Variants in ZNF705G observed in about 807,000 individuals in gnomAD.
ZNF705G encodes the protein zinc finger protein 705G.
In ZNF705G, 23 loss-of-function variants were observed where a neutral mutation model predicts 19.6. The observed-to-expected ratio is 1.17, with a 90% confidence interval of 0.84 to 1.66. The LOEUF (loss-of-function observed/expected upper bound fraction) is 1.66. Ranked by LOEUF, ZNF705G falls within the 40% of genes most tolerant of loss-of-function variation. The probability of loss-of-function intolerance (pLI) is 0.00; values close to 1 mark genes in which losing one functional copy is unlikely to be tolerated. For synonymous variants in ZNF705G, 146 were observed against 117.7 expected (o/e 1.24, Z -1.56); for missense variants, 457 against 354.4 (o/e 1.29, Z -2.32).
At chr8:7,365,516 T>G (rs1806816258) in intron 2 of ZNF705G, among the ~76,000 whole-genome samples, 1 of 148,926 alleles carries the variant, frequency 6.7e-6, no homozygotes, top group Admixed American at 6.6e-5. Context: ...GTAGCTGGGA[T>G]GACAGGCTTG....
intron 2 of ZNF705G, among the ~76,000 whole-genome samples, chr8:7,379,541 G>A (rs1807396574): frequency 6.8e-6 from 1 of 147,278 alleles, no homozygotes; most frequent in Non-Finnish European, 1.5e-5. Context: ...GGGCATGAAA[G>A]AGGGCACTAG....
chr8:7,383,558 G>A (rs886654984), intron 1 of ZNF705G, among the ~76,000 whole-genome samples: 3 of 146,602 alleles, frequency 2.0e-5, no homozygotes, highest in African/African-American at 8.3e-5. Flanking sequence ...AAGGAGGTAA[G>A]GAAGTGCTGT....
At position 7,356,394 on chromosome 8, in the gene ZNF705G, C is replaced by G. The variant is rs1344137347; in HGVS notation, c.*1582G>C. On this transcript the variant is annotated 3_prime_UTR_variant, in exon 7 of 7. Coordinates refer to ENST00000400156, the MANE Select transcript of ZNF705G (RefSeq NM_001164457.3). ...TAGAGAGGCTCCAGGGACAAAATTTCAAGAGTCTTCTGAGGGATAGAAGAG... is the reference window on the plus strand; with the variant it reads ...TAGAGAGGCTCCAGGGACAAAATTTGAAGAGTCTTCTGAGGGATAGAAGAG... 6.7e-6 allele frequency: 1 copy of G among 149,904 alleles called. No homozygotes were observed. The highest frequency in any genetic ancestry group is 2.6e-5 in the African/African-American group (1 of 38,982). The allele number at this position is 149,904 out of a possible 1,614,324, so 9.3% of individuals were successfully genotyped here.
chr8:7,359,514 T>A (rs1302333295), intron 6 of ZNF705G, 105 bp downstream of exon 6: 3 of 1,557,380 alleles, frequency 1.9e-6, no homozygotes, highest in Non-Finnish European at 2.6e-6. Flanking sequence ...TAGAAAACAC[T>A]TAATGCCAGC....
In ZNF705G at chr8:7,355,887, C is replaced by G. The variant is rs1364676022; in HGVS notation, c.*2089G>C. The G allele has an allele frequency of 6.7e-6, 1 of 149,660 alleles. No individual in the cohort carries two copies. The highest frequency in any genetic ancestry group is 1.5e-5 in the Non-Finnish European group (1 of 68,032). The allele number at this position is 149,660 out of a possible 1,614,324, so 9.3% of individuals were successfully genotyped here. A position where few individuals can be genotyped will look rare whatever the true frequency, so the allele number is the denominator to read the frequency against. On this transcript the variant is annotated 3_prime_UTR_variant, in exon 7 of 7. Coordinates refer to ENST00000400156, the MANE Select transcript of ZNF705G (RefSeq NM_001164457.3). Reference sequence around the variant, plus strand: ...GCTTGAATTTCTTGCTCATTATCCTCACACTTGACATAAACCCTGGCTGCA... The same window carrying G: ...GCTTGAATTTCTTGCTCATTATCCTGACACTTGACATAAACCCTGGCTGCA...
chr8:7,364,768 G>A (rs1305756101), intron 2 of ZNF705G, among the ~76,000 whole-genome samples: 1 of 149,278 alleles, frequency 6.7e-6, no homozygotes, highest in Non-Finnish European at 1.5e-5. Context: ...TTCTACATCT[G>A]TTCATCAAGA....
rs532808848 is a variant in ZNF705G, at chr8:7,366,019, C to G, written c.-71-3002G>C. Among the ~76,000 whole-genome samples the G allele has an allele frequency of 1.5e-3, 224 of 149,598 alleles. 18 individuals carry two copies. Among genetic ancestry groups the G allele is most frequent in the African/African-American group, 4.8e-3 (189 of 39,038 alleles). On this transcript the variant is annotated intron_variant, in intron 2 of 6. Coordinates refer to ENST00000400156, the MANE Select transcript of ZNF705G (RefSeq NM_001164457.3). ...TGCTATACAATGTTGAATGACATCT[C>G]AGGTGCTAGGGAAACAGCAGCTGAC... is the stretch of plus-strand genomic sequence containing the variant.
chr8:7,382,141 G>C (rs1160359744), intron 1 of ZNF705G, among the ~76,000 whole-genome samples: 3 of 150,852 alleles, frequency 2.0e-5, no homozygotes, highest in Admixed American at 6.6e-5. Flanking sequence ...TTCTTCTCAA[G>C]AGCAAATGAC....
intron 2 of ZNF705G, among the ~76,000 whole-genome samples, 156 bp from the exon 3 acceptor site, chr8:7,363,173 G>A (rs554285776): frequency 3.1e-4 from 46 of 149,436 alleles, no homozygotes; most frequent in South Asian, 1.0e-3. Flanking sequence ...CTCTTTTCCC[G>A]TGGTCAAAAT....
chr8:7,379,297 C>T, intron 2 of ZNF705G, among the ~76,000 whole-genome samples: 1 of 147,416 alleles, frequency 6.8e-6, no homozygotes, highest in East Asian at 1.9e-4. Context: ...CCAAGTTTTC[C>T]TCAGTGCACT....
chr8:7,368,802 G>T (rs1806971879), intron 2 of ZNF705G, among the ~76,000 whole-genome samples: 1 of 149,534 alleles, frequency 6.7e-6, no homozygotes, highest in Non-Finnish European at 1.5e-5. Context: ...AGCCACTCCA[G>T]CTCCAGCCAT....
intron 2 of ZNF705G, among the ~76,000 whole-genome samples, chr8:7,379,839 C>G (rs577151308): frequency 6.8e-6 from 1 of 146,966 alleles, no homozygotes; most frequent in East Asian, 1.9e-4. Flanking sequence ...TGCACCTGCC[C>G]CCAGACACAG....
At chr8:7,368,292 G>A (rs1345045915) in intron 2 of ZNF705G, among the ~76,000 whole-genome samples, 1 of 149,350 alleles carries the variant, frequency 6.7e-6, no homozygotes, top group Non-Finnish European at 1.5e-5. Flanking sequence ...GGAAAAATAT[G>A]AACATTAATT....
In ZNF705G at chr8:7,359,840, A is replaced by G. The variant is rs1281203941; in HGVS notation, c.236-139T>C. ...TGTCAAATGAAGAAACTACTTGAAT[A>G]GAAGAAATAGATTGTACAGTGTCAG... On this transcript the variant is annotated intron_variant, in intron 5 of 6. Transcript: ENST00000400156. 17 of 1,303,692 alleles carry G rather than the reference A, an allele frequency of 1.3e-5. 3 individuals carry two copies. The African/African-American group carries it at 2.9e-4, about 22-fold the overall frequency. The allele number at this position is 1,303,692 out of a possible 1,614,324, so 80.8% of individuals were successfully genotyped here.
rs1349199404 is a variant in ZNF705G at position 7,357,814 on chromosome 8, C to T, written c.*162G>A. On this transcript the variant is annotated 3_prime_UTR_variant, in exon 7 of 7. Transcript: ENST00000400156. ...TTCCACATTCCTTACCTTTGTCATT[C>T]CTAACACCGTGTCATCTAAAGTCAG... is the stretch of plus-strand genomic sequence containing the variant. The T allele has an allele frequency of 8.9e-6, 10 of 1,124,914 alleles. No homozygotes were observed. The highest frequency in any genetic ancestry group is 1.2e-5 in the Non-Finnish European group (10 of 820,760). The allele number at this position is 1,124,914 out of a possible 1,614,324, so 69.7% of individuals were successfully genotyped here.
At chr8:7,370,296 T>A (rs112836323) in intron 2 of ZNF705G, among the ~76,000 whole-genome samples, 2 of 144,910 alleles carry the variant, frequency 1.4e-5, no homozygotes, top group African/African-American at 5.5e-5. Context: ...TGCAAAGATC[T>A]GAGTAGACAT....
Position 7,361,119 on chromosome 8 carries a change from C to A in ZNF705G, c.130G>T (p.Val44Leu). The A allele has an allele frequency of 6.3e-7, 1 of 1,592,722 alleles. No individual in the cohort carries two copies. Among genetic ancestry groups the A allele is most frequent in the Non-Finnish European group, 8.5e-7 (1 of 1,179,442 alleles). The change falls in exon 4 of 7, where the codon GTG becomes TTG. Residue 44 changes from valine to leucine, a missense_variant. Val to Leu is a conservative substitution (Grantham distance 32, BLOSUM62 1). Transcript: ENST00000400156. ...DVMLENISHL[V>L]SLGYQISKSY... ...ATGTTCAGGGACTCACCGAGGGACA[C>A]CAGGTGACTGATATTTTCCAGCATC...
At chr8:7,384,853 A>G (rs1807659902) in intron 1 of ZNF705G, among the ~76,000 whole-genome samples, 1 of 146,274 alleles carries the variant, frequency 6.8e-6, no homozygotes, top group South Asian at 2.1e-4. Flanking sequence ...CCTATCACGT[A>G]CCATGAGTCT....
chr8:7,359,358 A>G (rs1191942408), intron 6 of ZNF705G, among the ~76,000 whole-genome samples: 1 of 149,824 alleles, frequency 6.7e-6, no homozygotes, highest in Non-Finnish European at 1.5e-5. Flanking sequence ...GCGTTATTGC[A>G]TAATTGTGTT....
Sources: gnomAD v4.1 joint callset for allele counts (sites outside exome capture counted in the v4.1 genomes callset) on GRCh38, gnomAD v4.1.1 for gene constraint, MANE v1.5 for transcripts, NCBI Gene and HGNC (gene_info 2026-07-23, HGNC 2026-07-21) for gene names.